Variants in CEP85L observed in about 807,000 individuals in gnomAD.
CEP85L encodes the protein centrosomal protein 85L.
CEP85L carries 60 observed loss-of-function variants against 100.3 expected under a neutral mutation model. The ratio of observed to expected loss-of-function variants is 0.60; its 90% CI spans 0.49 to 0.74. The LOEUF (loss-of-function observed/expected upper bound fraction) is 0.74. Among genes scored for constraint, CEP85L ranks in the 30% least tolerant of loss-of-function variants. The probability of loss-of-function intolerance (pLI) is 0.00; values close to 1 mark genes in which losing one functional copy is unlikely to be tolerated. For missense variants in CEP85L, 973 were observed against 936.2 expected (o/e 1.04, Z -0.51); for synonymous variants, 319 against 322.7 (o/e 0.99, Z 0.12).
chr6:118,652,520 G>T, upstream of CEP85L: 1 of 1,384,934 alleles, frequency 7.2e-7, no homozygotes, highest in Non-Finnish European at 9.3e-7. Flanking sequence ...ATCACTCAGA[G>T]GTAAGTCGGA....
In CEP85L at chr6:118,470,585, C is replaced by T; in HGVS notation, c.1974G>A (p.Leu658=). ...TCTGTACATTTCTTTCTTTCTTTTC[C>T]AGCTCTTCCATCATCTTTTGAGTGG... ...KLTTQKMMEE[L]EKKERNVQRL... is the part of the protein sequence containing the mutation. The change falls in exon 11 of 13, where the codon CTG becomes CTA. Residue 658 remains leucine, a synonymous_variant. Coordinates refer to ENST00000368491, the MANE Select transcript of CEP85L (RefSeq NM_001042475.3). 1 of 1,604,360 alleles carries T rather than the reference C, an allele frequency of 6.2e-7. No homozygotes were observed. The highest frequency in any genetic ancestry group is 8.5e-7 in the Non-Finnish European group (1 of 1,175,222).
intron 3 of CEP85L, among the ~76,000 whole-genome samples, chr6:118,544,227 T>C (rs538855897): frequency 5.2e-4 from 79 of 152,336 alleles, no homozygotes; most frequent in Middle Eastern, 3.4e-3. Context: ...CTATAGAATT[T>C]TGAAGCAAGT....
intron 2 of CEP85L, among the ~76,000 whole-genome samples, chr6:118,577,048 A>C (rs1780281398): frequency 6.6e-6 from 1 of 152,152 alleles, no homozygotes; most frequent in South Asian, 2.1e-4. Context: ...AAGGCATGTC[A>C]AACCCTCTTG....
intron 1 of CEP85L, among the ~76,000 whole-genome samples, chr6:118,706,158 T>G (rs1421597573): frequency 6.6e-6 from 1 of 152,182 alleles, no homozygotes; most frequent in Non-Finnish European, 1.5e-5. Context: ...TTGCCTTAAA[T>G]TTAACCACAG....
intron 6 of CEP85L, among the ~76,000 whole-genome samples, chr6:118,488,177 C>A (rs1774317174): frequency 6.6e-6 from 1 of 151,866 alleles, no homozygotes; most frequent in African/African-American, 2.4e-5. Context: ...AATTAACACA[C>A]AGGGAAATAT....
intron 2 of CEP85L, among the ~76,000 whole-genome samples, chr6:118,593,234 C>A (rs922005390): frequency 6.6e-6 from 1 of 151,596 alleles, no homozygotes; most frequent in African/African-American, 2.4e-5. Context: ...TAAAAATGTT[C>A]TAAAATTGAC....
chr6:118,462,420 T>C lies in CEP85L; in HGVS notation c.*2985A>G, dbSNP rs1483406813. Reference sequence around the variant, plus strand: ...TGTGCCTTTGATTCAGTGAATTTTATCTGTACAGGCAATTTGGGTCTTTCA... The same window carrying C: ...TGTGCCTTTGATTCAGTGAATTTTACCTGTACAGGCAATTTGGGTCTTTCA... On this transcript the variant is annotated 3_prime_UTR_variant, in exon 13 of 13. Coordinates refer to ENST00000368491, the MANE Select transcript of CEP85L (RefSeq NM_001042475.3). 3.3e-5 allele frequency: 5 copies of C among 152,042 alleles called. No individual in the cohort carries two copies. The highest frequency in any genetic ancestry group is 9.7e-5 in the African/African-American group (4 of 41,444). The allele number at this position is 152,042 out of a possible 1,614,324, so 9.4% of individuals were successfully genotyped here.
chr6:118,568,247 C>CT (rs1456261565), intron 2 of CEP85L, among the ~76,000 whole-genome samples: 2 of 152,208 alleles, frequency 1.3e-5, no homozygotes, highest in East Asian at 3.8e-4. Flanking sequence ...TGGTGGAAGA[C>CT]TGACAGTTCT....
At chr6:118,477,598 C>T (rs559173703) in intron 10 of CEP85L, among the ~76,000 whole-genome samples, 2 of 152,090 alleles carry the variant, frequency 1.3e-5, no homozygotes, top group South Asian at 2.1e-4. Context: ...GAATAACTTG[C>T]TTGTTCCCAA....
In CEP85L at chr6:118,502,031, C is replaced by A. The variant is rs180866521; in HGVS notation, c.1257+9267G>T. On this transcript the variant is annotated intron_variant, in intron 5 of 12. Coordinates refer to ENST00000368491, the MANE Select transcript of CEP85L (RefSeq NM_001042475.3). ...CAGTGGGAATTTGAAAGAAGAAAAC[C>A]AGATGGAACAAGAAGACTGGGACTT... 1.9e-5 allele frequency: 16 copies of A among 834,814 alleles called. No individual in the cohort carries two copies. In the East Asian group the frequency reaches 2.0e-4, roughly 10 times the overall value. 51.7% of individuals were successfully genotyped at this position (834,814 alleles called of 1,614,324 possible).
chr6:118,546,850 T>C (rs1778234587), intron 3 of CEP85L, among the ~76,000 whole-genome samples: 1 of 152,188 alleles, frequency 6.6e-6, no homozygotes, highest in Non-Finnish European at 1.5e-5. Flanking sequence ...TATTCTGCAA[T>C]TTCCTTAACT....
At chr6:118,657,588 C>G (rs1775840280) in intron 1 of CEP85L, among the ~76,000 whole-genome samples, 1 of 152,204 alleles carries the variant, frequency 6.6e-6, no homozygotes, top group African/African-American at 2.4e-5. Flanking sequence ...TGCACTCCAG[C>G]CTGAGCGACA....
chr6:118,702,373 G>A (rs976385730), intron 1 of CEP85L, among the ~76,000 whole-genome samples: 5 of 152,090 alleles, frequency 3.3e-5, no homozygotes, highest in Middle Eastern at 3.4e-3. Flanking sequence ...TTAGCCAGGC[G>A]TGGTGATATG....
chr6:118,628,507 G>A (rs901791057), intron 2 of CEP85L, among the ~76,000 whole-genome samples: 4 of 151,032 alleles, frequency 2.6e-5, no homozygotes, highest in Non-Finnish European at 4.4e-5. Flanking sequence ...AAAATAAAGA[G>A]AAAAAGGCTG....
intron 4 of CEP85L, among the ~76,000 whole-genome samples, chr6:118,519,321 G>A (rs113789735): frequency 0.013 from 1,965 of 151,714 alleles, 51 homozygotes; most frequent in African/African-American, 0.044. Flanking sequence ...GGGTGTGGTC[G>A]CGGGCTACTG....
chr6:118,568,111 A>G (rs1169714111), intron 2 of CEP85L, among the ~76,000 whole-genome samples: 1 of 152,162 alleles, frequency 6.6e-6, no homozygotes, highest in African/African-American at 2.4e-5. Context: ...TGGAGCTACC[A>G]TTTTTGGGTG....
intron 3 of CEP85L, chr6:118,537,817 T>G (rs980867474): frequency 2.0e-6 from 2 of 985,356 alleles, no homozygotes; most frequent in Non-Finnish European, 2.4e-6. Flanking sequence ...CTCCTTCACT[T>G]GCCTTTGTCT....
chr6:118,572,090 A>T (rs1241585251), intron 2 of CEP85L, among the ~76,000 whole-genome samples: 1 of 152,066 alleles, frequency 6.6e-6, no homozygotes, highest in Admixed American at 6.5e-5. Flanking sequence ...TCCCAACCTC[A>T]TGTGATCTGC....
chr6:118,587,365 T>C (rs1780924167), intron 2 of CEP85L, among the ~76,000 whole-genome samples: 1 of 152,138 alleles, frequency 6.6e-6, no homozygotes, highest in African/African-American at 2.4e-5. Context: ...TAATAGCAAA[T>C]GCCTCCCTCT....
Sources: gnomAD v4.1 joint callset for allele counts (sites outside exome capture counted in the v4.1 genomes callset) on GRCh38, gnomAD v4.1.1 for gene constraint, MANE v1.5 for transcripts, NCBI Gene and HGNC (gene_info 2026-07-23, HGNC 2026-07-21) for gene names.